VPS45: variants seen among roughly 807,000 people sequenced by gnomAD.
VPS45 encodes vacuolar protein sorting 45 homolog.
Under a neutral mutation model 75.9 loss-of-function variants are expected in VPS45, and 35 were observed. The observed-to-expected ratio is 0.46, with a 90% CI of 0.35 to 0.61. The LOEUF (loss-of-function observed/expected upper bound fraction) is 0.61, where lower values mean the gene tolerates loss of function less well. Ranked by LOEUF, VPS45 falls within the 20% of genes least tolerant of loss-of-function variation. VPS45 has a pLI of 0.00. For synonymous variants in VPS45, 220 were observed against 238.2 expected (o/e 0.92, Z 0.70); for missense variants, 559 against 685.9 (o/e 0.81, Z 2.07).
At chr1:150,090,785 A>T (rs1342742161) in intron 10 of VPS45, among the ~76,000 whole-genome samples, 2 of 152,178 alleles carry the variant, frequency 1.3e-5, no homozygotes, top group Admixed American at 6.5e-5. Context: ...AGCTTTCTTC[A>T]TCAATCAGTG....
In VPS45 at chr1:150,092,373, T is replaced by C. The variant is rs1330742139; in HGVS notation, c.1335T>C (p.Ala445=). The C allele has an allele frequency of 1.1e-5, 18 of 1,614,060 alleles. No homozygotes were observed. The highest frequency in any genetic ancestry group is 2.7e-5 in the African/African-American group (2 of 74,940). The part of the protein sequence containing the change: ...RGSDLFSPKD[A]VAITKQFLKG... Reference sequence around the variant, plus strand: ...GTGACCTCTTCAGCCCCAAAGATGCTGTGGCTATCACCAAACAATTCCTCA... The same window carrying C: ...GTGACCTCTTCAGCCCCAAAGATGCCGTGGCTATCACCAAACAATTCCTCA... Residue 445 remains alanine, a synonymous_variant, in exon 12 of 15, where the codon GCT becomes GCC. Transcript: ENST00000644510.
In VPS45 at chr1:150,092,310, T is replaced by C. The variant is rs1476538589; in HGVS notation, c.1272T>C (p.Ser424=). 21 of 1,613,968 alleles carry C rather than the reference T, an allele frequency of 1.3e-5. No individual in the cohort carries two copies. Among genetic ancestry groups the C allele is most frequent in the Non-Finnish European group, 1.8e-5 (21 of 1,179,958 alleles). The change falls in exon 12 of 15, where the codon TCT becomes TCC. Residue 424 remains serine (S), a synonymous_variant. Transcript: ENST00000644510. The part of the protein sequence containing the change: ...GVSEKYRKLV[S]AVVEYGGKRV... Reference sequence around the variant, plus strand: ...CTTCTCTTTCTTAATAGCTCGTGTCTGCAGTTGTTGAATATGGTGGTAAAC... The same window carrying C: ...CTTCTCTTTCTTAATAGCTCGTGTCCGCAGTTGTTGAATATGGTGGTAAAC...
At chr1:150,093,384 T>C in intron 12 of VPS45, 143 bp from the exon 13 acceptor site, 1 of 929,796 alleles carries the variant, frequency 1.1e-6, no homozygotes, top group Non-Finnish European at 1.5e-6. Flanking sequence ...CTGATTAAAA[T>C]AATTTTTAAA....
At chr1:150,142,813 T>C in intron 14 of VPS45, 1 of 447,636 alleles carries the variant, frequency 2.2e-6, no homozygotes, top group Non-Finnish European at 4.5e-6. Context: ...TACAGGCACC[T>C]GTCTAATTTT....
intron 13 of VPS45, among the ~76,000 whole-genome samples, chr1:150,107,306 G>A (rs1244664419): frequency 6.6e-6 from 1 of 152,152 alleles, no homozygotes; most frequent in Non-Finnish European, 1.5e-5. Flanking sequence ...CTTATGCACA[G>A]TAAATGTCCT....
chr1:150,121,705 G>A (rs1658238857), intron 14 of VPS45, among the ~76,000 whole-genome samples: 1 of 152,114 alleles, frequency 6.6e-6, no homozygotes, highest in Non-Finnish European at 1.5e-5. Context: ...CTAGTTATGA[G>A]TTCTGTAATA....
At chr1:150,071,058 T>A (rs587771217) in intron 2 of VPS45, among the ~76,000 whole-genome samples, 1 of 152,090 alleles carries the variant, frequency 6.6e-6, no homozygotes, top group Admixed American at 6.5e-5. Flanking sequence ...ATTGCATTTT[T>A]AAATCTAAAT....
intron 14 of VPS45, among the ~76,000 whole-genome samples, chr1:150,119,264 A>G (rs1427533629): frequency 4.6e-5 from 7 of 152,150 alleles, no homozygotes; most frequent in Non-Finnish European, 1.5e-5. Flanking sequence ...GACTCTCAGT[A>G]ATGGAAAGGC....
Position 150,077,272 on chromosome 1 carries a change from A to G in VPS45, c.576+41A>G, listed in dbSNP as rs781817975. The stretch of plus-strand genomic sequence containing the variant: ...TTCCTGGTTCCAAAACATAAAGGCC[A>G]TTCATTTCTCTATCATATTTCAGAA... On this transcript the variant is annotated intron_variant, in intron 6 of 14. Transcript: ENST00000644510. The G allele has an allele frequency of 1.2e-5, 19 of 1,586,796 alleles. No homozygotes were observed. In the Middle Eastern group the frequency reaches 6.7e-4, roughly 56 times the overall value.
At chr1:150,130,338 A>G (rs745615124) in intron 14 of VPS45, among the ~76,000 whole-genome samples, 6 of 150,650 alleles carry the variant, frequency 4.0e-5, no homozygotes, top group Non-Finnish European at 5.9e-5. Flanking sequence ...ACACGTGTGT[A>G]CCACCATGCC....
Position 150,115,937 on chromosome 1 carries a change from A to G in VPS45, c.1625+5310A>G, listed in dbSNP as rs146163447. 3.0e-3 allele frequency among the ~76,000 whole-genome samples: 457 copies of G among 152,314 alleles called. 3 individuals are homozygous for G. Among genetic ancestry groups the G allele is most frequent in the African/African-American group, 0.01 (419 of 41,572 alleles). On this transcript the variant is annotated intron_variant, in intron 14 of 14. Transcript: ENST00000644510. ...TTAGATAGTTGTAGCATCAGTTTAT[A>G]CTTATCAAGCTAAGTTTTGGTTCCC... is the stretch of plus-strand genomic sequence containing the variant.
chr1:150,097,573 G>A (rs1198170231), intron 13 of VPS45, among the ~76,000 whole-genome samples: 1 of 151,500 alleles, frequency 6.6e-6, no homozygotes, highest in African/African-American at 2.4e-5. Flanking sequence ...GCAAAAATTA[G>A]CCAGGCGTGG....
At chr1:150,073,202 T>C (rs991382169) in intron 3 of VPS45, among the ~76,000 whole-genome samples, 1 of 152,198 alleles carries the variant, frequency 6.6e-6, no homozygotes, top group African/African-American at 2.4e-5. Flanking sequence ...AGTGTTAGTG[T>C]AGTCTATTTG....
intron 2 of VPS45, among the ~76,000 whole-genome samples, chr1:150,070,765 C>T (rs1009398309): frequency 9.9e-5 from 15 of 151,850 alleles, no homozygotes; most frequent in African/African-American, 2.7e-4. Flanking sequence ...GCTGAGATCA[C>T]GCCACTGTAG....
intron 14 of VPS45, among the ~76,000 whole-genome samples, chr1:150,120,688 T>A (rs1658186295): frequency 6.6e-6 from 1 of 152,136 alleles, no homozygotes; most frequent in South Asian, 2.1e-4. Flanking sequence ...GAAGCAGAGT[T>A]CTATATATGC....
intron 11 of VPS45, 39 bp downstream of exon 11, chr1:150,092,134 A>G: frequency 6.3e-7 from 1 of 1,593,154 alleles, no homozygotes; most frequent in Non-Finnish European, 8.6e-7. Flanking sequence ...ACAGGAACCA[A>G]CTCTGTTATT....
intron 14 of VPS45, among the ~76,000 whole-genome samples, chr1:150,133,288 G>T (rs1553812799): frequency 6.6e-6 from 1 of 152,124 alleles, no homozygotes; most frequent in African/African-American, 2.4e-5. Context: ...GGTGGCTCAC[G>T]CCTGTAATAT....
chr1:150,098,980 G>T, intron 13 of VPS45: 1 of 1,136,580 alleles, frequency 8.8e-7, no homozygotes, highest in Non-Finnish European at 1.1e-6. Context: ...AAATGTAGTA[G>T]AATCTTGTTG....
At chr1:150,114,277 A>G (rs587681421) in intron 14 of VPS45, among the ~76,000 whole-genome samples, 1 of 152,104 alleles carries the variant, frequency 6.6e-6, no homozygotes, top group South Asian at 2.1e-4. Flanking sequence ...ATTCAAGACC[A>G]GCCTGGCCAA....
Sources: allele counts gnomAD v4.1 joint callset (sites outside exome capture counted in the v4.1 genomes callset), GRCh38; gene constraint gnomAD v4.1.1; transcripts MANE v1.5; gene names NCBI Gene and HGNC (gene_info 2026-07-23, HGNC 2026-07-21).